The following NOS1 variants were observed in gnomAD, a reference collection of about 807,000 sequenced individuals.
NOS1 encodes the protein NOS type I.
NOS1 carries 51 observed loss-of-function variants against 164.5 expected under a neutral mutation model. That is an observed-to-expected ratio of 0.31 (90% confidence interval 0.25 to 0.39). The LOEUF (loss-of-function observed/expected upper bound fraction) is 0.39, where lower values mean the gene tolerates loss of function less well. Ranked by LOEUF, NOS1 falls within the 10% of genes least tolerant of loss-of-function variation. The pLI is 1.00. For synonymous variants in NOS1, 719 were observed against 745.8 expected (o/e 0.96, Z 0.59); for missense variants, 1,362 against 1,885.6 (o/e 0.72, Z 5.14).
Position 117,286,194 on chromosome 12 carries a change from C to G in NOS1, c.1200G>C (p.Gln400His). 6.2e-7 allele frequency: 1 copy of G among 1,614,210 alleles called. No homozygotes were observed. Among genetic ancestry groups the G allele is most frequent in the Non-Finnish European group, 8.5e-7 (1 of 1,180,044 alleles). The change falls in exon 6 of 29, where the codon CAG becomes CAC. Residue 400 changes from glutamine (Q) to histidine (H), a missense_variant. Transcript: ENST00000317775. ...CATAGATGAGCTCTGTGTCCTTGAGCTGGTAAGTGCTAGTGGTGTCGATCT... is the reference window on the plus strand; with the variant it reads ...CATAGATGAGCTCTGTGTCCTTGAGGTGGTAAGTGCTAGTGGTGTCGATCT... Reference protein sequence around the residue: ...NKEIDTTSTYQLKDTELIYGA... With the variant: ...NKEIDTTSTYHLKDTELIYGA...
At chr12:117,282,815 T>C (rs138989388) in intron 7 of NOS1, among the ~76,000 whole-genome samples, 1 of 152,246 alleles carries the variant, frequency 6.6e-6, no homozygotes, top group East Asian at 1.9e-4. Flanking sequence ...GTTTGTGTAA[T>C]GTGTATATTT....
Position 117,212,299 on chromosome 12 carries a change from G to A in NOS1, c.*3010C>T. 1.0e-6 allele frequency: 1 copy of A among 985,336 alleles called. No homozygotes were observed. Among genetic ancestry groups the A allele is most frequent in the South Asian group, 4.7e-5 (1 of 21,284 alleles). The allele number at this position is 985,336 out of a possible 1,614,324, so 61.0% of individuals were successfully genotyped here. Reference sequence around the variant, plus strand: ...ATGCAGACTCTAAAAGGTCAAGTGAGCCGCCCACAGCCATCTGCACCAACA... The same window carrying A: ...ATGCAGACTCTAAAAGGTCAAGTGAACCGCCCACAGCCATCTGCACCAACA... On this transcript the variant is annotated 3_prime_UTR_variant, in exon 29 of 29. Transcript: ENST00000317775.
Position 117,215,084 on chromosome 12 carries a change from G to A in NOS1, c.*225C>T, listed in dbSNP as rs1956584008. Reference sequence around the variant, plus strand: ...GGAGTGGGAACAGAGTTTTGTAAGAGCCACTGCAGATTAGAAAAGCATTGC... The same window carrying A: ...GGAGTGGGAACAGAGTTTTGTAAGAACCACTGCAGATTAGAAAAGCATTGC... On this transcript the variant is annotated 3_prime_UTR_variant, in exon 29 of 29. Transcript: ENST00000317775. 1 of 1,232,384 alleles carries A rather than the reference G, an allele frequency of 8.1e-7. No homozygotes were observed. Among genetic ancestry groups the A allele is most frequent in the African/African-American group, 1.6e-5 (1 of 64,296 alleles). 76.3% of individuals were successfully genotyped at this position (1,232,384 alleles called of 1,614,324 possible).
At chr12:117,306,817 G>A (rs1353335621) in intron 3 of NOS1, among the ~76,000 whole-genome samples, 3 of 151,948 alleles carry the variant, frequency 2.0e-5, no homozygotes, top group Admixed American at 2.0e-4. Flanking sequence ...ATGGAGTTTC[G>A]CCATGTTGGC....
intron 3 of NOS1, chr12:117,302,183 G>A: frequency 2.3e-6 from 1 of 425,976 alleles, no homozygotes; most frequent in Non-Finnish European, 4.7e-6. Flanking sequence ...AAATATATTA[G>A]GTCCTGTTGT....
intron 17 of NOS1, among the ~76,000 whole-genome samples, chr12:117,252,726 C>T (rs190579585): frequency 4.2e-4 from 64 of 152,284 alleles, no homozygotes; most frequent in African/African-American, 1.5e-3. Context: ...TGCTTTAAAA[C>T]GTAAAGCCTA....
intron 16 of NOS1, among the ~76,000 whole-genome samples, chr12:117,256,284 G>GTTTTTTTATTTTTTTTTTTTTTTT (rs1871443539): frequency 8.4e-6 from 1 of 118,488 alleles, no homozygotes; most frequent in African/African-American, 3.8e-5. Flanking sequence ...GGGATTTTCT[G>GTTTTTTTATTTTTTTTTTTTTTTT]TTTTTTTTTT....
chr12:117,211,871 C>T lies in NOS1; in HGVS notation c.*3438G>A. ...TTTGAGGTCAGGAATTCAAGACCAG[C>T]CTGGCCAACATGGTGAAACCCTGAC... is the stretch of plus-strand genomic sequence containing the variant. On this transcript the variant is annotated 3_prime_UTR_variant, in exon 29 of 29. Transcript: ENST00000317775. 7 of 889,112 alleles carry T rather than the reference C, an allele frequency of 7.9e-6. No individual in the cohort carries two copies. The highest frequency in any genetic ancestry group is 9.4e-6 in the Non-Finnish European group (7 of 742,404). 55.1% of individuals were successfully genotyped at this position (889,112 alleles called of 1,614,324 possible).
At chr12:117,279,312 T>G (rs1359832872) in intron 8 of NOS1, among the ~76,000 whole-genome samples, 1 of 151,940 alleles carries the variant, frequency 6.6e-6, no homozygotes, top group Non-Finnish European at 1.5e-5. Context: ...AGAGTTGCAG[T>G]GAGCTGAGAT....
intron 3 of NOS1, among the ~76,000 whole-genome samples, chr12:117,299,511 C>T (rs931977259): frequency 5.3e-5 from 8 of 151,800 alleles, no homozygotes; most frequent in East Asian, 1.9e-4. Flanking sequence ...TGGTGGCGGG[C>T]GCCTGTAGTC....
intron 22 of NOS1, among the ~76,000 whole-genome samples, chr12:117,231,020 A>T (rs1241772214): frequency 3.3e-5 from 5 of 152,162 alleles, no homozygotes; most frequent in Non-Finnish European, 2.9e-5. Context: ...ACAAAAATAC[A>T]GTCACATAGA....
chr12:117,326,860 A>G (rs1371724051), intron 2 of NOS1, among the ~76,000 whole-genome samples: 1 of 152,188 alleles, frequency 6.6e-6, no homozygotes, highest in Admixed American at 6.5e-5. Flanking sequence ...AGTCCTCCAC[A>G]TCACACCCAA....
intron 1 of NOS1, among the ~76,000 whole-genome samples, chr12:117,333,110 C>T (rs1169392540): frequency 2.0e-5 from 3 of 152,150 alleles, no homozygotes; most frequent in African/African-American, 7.2e-5. Flanking sequence ...TGGGATGGGG[C>T]AGGTGATCTG....
At chr12:117,319,849 A>G (rs1033241213) in intron 2 of NOS1, among the ~76,000 whole-genome samples, 1 of 151,940 alleles carries the variant, frequency 6.6e-6, no homozygotes, top group African/African-American at 2.4e-5. Flanking sequence ...CTGGCCTGTG[A>G]TGAGCGTGCC....
chr12:117,344,537 T>C (rs1876257662), intron 1 of NOS1, among the ~76,000 whole-genome samples: 1 of 152,206 alleles, frequency 6.6e-6, no homozygotes, highest in African/African-American at 2.4e-5. Flanking sequence ...AGACATTAAG[T>C]CATAGGTTAT....
chr12:117,277,887 G>T, intron 9 of NOS1, 72 bp downstream of exon 9: 2 of 1,499,326 alleles, frequency 1.3e-6, no homozygotes, highest in Non-Finnish European at 9.0e-7. Context: ...AGCCAGGGGG[G>T]ATGGGGCTGG....
rs76354729 is a variant in NOS1, at chr12:117,239,530, G to T, written c.3041+3097C>A. 2.0e-5 allele frequency among the ~76,000 whole-genome samples: 3 copies of T among 152,264 alleles called. No homozygotes were observed. In the East Asian group the frequency reaches 5.8e-4, roughly 29 times the overall value. ...TCACTTTTCTCTTTAGATTTTCAAG[G>T]ATCACCCTCAAAAGGCTGCCTACTT... On this transcript the variant is annotated intron_variant, in intron 20 of 28. Transcript: ENST00000317775.
chr12:117,260,950 C>T (rs188231273), intron 13 of NOS1, among the ~76,000 whole-genome samples: 6 of 151,774 alleles, frequency 4.0e-5, no homozygotes, highest in Admixed American at 1.3e-4. Context: ...GGTGGATTGC[C>T]TGAGCTCAGG....
intron 7 of NOS1, among the ~76,000 whole-genome samples, chr12:117,283,056 ATTT>A (rs201451951): frequency 0.062 from 5,726 of 92,772 alleles, 220 homozygotes; most frequent in East Asian, 0.17. Flanking sequence ...ATATATATAT[ATTT>A]TTTTTTTTTT....
Sources: gnomAD v4.1 joint callset for allele counts (sites outside exome capture counted in the v4.1 genomes callset) on GRCh38, gnomAD v4.1.1 for gene constraint, MANE v1.5 for transcripts, NCBI Gene and HGNC (gene_info 2026-07-23, HGNC 2026-07-21) for gene names.